Variants in CCDC18 observed in about 807,000 individuals in gnomAD.
CCDC18 encodes coiled-coil domain containing 18, also known as coiled-coil domain-containing protein 18.
CCDC18 carries 157 observed loss-of-function variants against 196.0 expected under a neutral mutation model. That is an observed-to-expected ratio of 0.80 (90% CI 0.70 to 0.91). CCDC18 has a LOEUF of 0.91. Ranked by LOEUF, CCDC18 falls within the 40% of genes least tolerant of loss-of-function variation. The probability of loss-of-function intolerance (pLI) is 0.00; values close to 1 mark genes in which losing one functional copy is unlikely to be tolerated. For synonymous variants in CCDC18, 482 were observed against 529.2 expected (o/e 0.91, Z 1.22); for missense variants, 1,465 against 1,611.6 (o/e 0.91, Z 1.56).
chr1:93,262,816 T>C (rs1663992876), intron 26 of CCDC18, among the ~76,000 whole-genome samples: 1 of 152,122 alleles, frequency 6.6e-6, no homozygotes. Flanking sequence ...TTCTCCTCTG[T>C]ACTGCCTTAG....
chr1:93,181,604 A>T (rs768725430), intron 1 of CCDC18, among the ~76,000 whole-genome samples: 5 of 152,136 alleles, frequency 3.3e-5, no homozygotes, highest in Non-Finnish European at 7.4e-5. Flanking sequence ...GCTACTGCAG[A>T]AGAGTTAGGG....
intron 6 of CCDC18, chr1:93,199,788 G>C (rs1296688457): frequency 6.6e-6 from 1 of 152,482 alleles, no homozygotes; most frequent in African/African-American, 2.4e-5. Context: ...CACCTCATTT[G>C]CGTTCTGGTA....
chr1:93,262,199 C>CAT lies in CCDC18; in HGVS notation c.3685-2499_3685-2498dup, dbSNP rs568146975. On this transcript the variant is annotated intron_variant, in intron 26 of 28. Coordinates refer to ENST00000690025, the MANE Select transcript of CCDC18 (RefSeq NM_001378204.1). Reference sequence around the variant, plus strand: ...TTCGGGTGGGGACACAGAGCCAAGCCATATCATTCCAACCCTGGCCCCTCC... The same window carrying CAT: ...TTCGGGTGGGGACACAGAGCCAAGCCATATATCATTCCAACCCTGGCCCCTCC... 1.5e-3 allele frequency: 224 copies of CAT among 152,270 alleles called. 1 individual carries two copies. Among genetic ancestry groups the CAT allele is most frequent in the African/African-American group, 5.0e-3 (208 of 41,536 alleles). 9.4% of individuals were successfully genotyped at this position (152,270 alleles called of 1,614,324 possible). A position where few individuals can be genotyped will look rare whatever the true frequency, so the allele number is the denominator to read the frequency against.
chr1:93,195,190 A>G (rs1178895523), intron 6 of CCDC18, among the ~76,000 whole-genome samples: 1 of 152,136 alleles, frequency 6.6e-6, no homozygotes, highest in Non-Finnish European at 1.5e-5. Flanking sequence ...CTTTGGCTTC[A>G]CAAAGTGAGT....
intron 23 of CCDC18, among the ~76,000 whole-genome samples, chr1:93,252,800 T>C (rs1044279214): frequency 6.6e-6 from 1 of 152,238 alleles, no homozygotes; most frequent in Admixed American, 6.5e-5. Flanking sequence ...AAACTGGCTT[T>C]TGTGTTCCCT....
In CCDC18 at chr1:93,221,839, A is replaced by G; in HGVS notation, c.2098-20A>G. On this transcript the variant is annotated intron_variant, in intron 15 of 28. Coordinates refer to ENST00000690025, the MANE Select transcript of CCDC18 (RefSeq NM_001378204.1). ...AATCTAATCAAATCTGCATACTTAT[A>G]CTTTTCTTACTGTTTTTAGGAAATG... The G allele has an allele frequency of 6.3e-7, 1 of 1,587,678 alleles. No homozygotes were observed. Among genetic ancestry groups the G allele is most frequent in the African/African-American group, 1.4e-5 (1 of 73,428 alleles).
At chr1:93,248,832 G>A (rs990835556) in intron 23 of CCDC18, among the ~76,000 whole-genome samples, 2 of 151,996 alleles carry the variant, frequency 1.3e-5, no homozygotes, top group Non-Finnish European at 2.9e-5. Flanking sequence ...AATTAGCCAG[G>A]TGTAGTGGCA....
Position 93,239,824 on chromosome 1 carries a change from A to G in CCDC18, c.2909A>G (p.Asp970Gly). The change falls in exon 21 of 29, where the codon GAT (aspartate) becomes GGT (glycine). Residue 970 changes from aspartate to glycine, a missense_variant. Coordinates refer to ENST00000690025, the MANE Select transcript of CCDC18 (RefSeq NM_001378204.1). ...STLRQLQELRDVLQKAQLSLE... is the reference protein window; with the variant it reads ...STLRQLQELRGVLQKAQLSLE... ...TTAAGACAACTCCAGGAATTGAGAG[A>G]TGTACTACAGAAGGCTCAATTATCA... 6.2e-7 allele frequency: 1 copy of G among 1,613,344 alleles called. No individual in the cohort carries two copies. Among genetic ancestry groups the G allele is most frequent in the Admixed American group, 1.7e-5 (1 of 60,010 alleles).
At chr1:93,225,837 T>G (rs898627436) in intron 16 of CCDC18, among the ~76,000 whole-genome samples, 3 of 152,162 alleles carry the variant, frequency 2.0e-5, no homozygotes, top group African/African-American at 7.2e-5. Flanking sequence ...GTACTCACTT[T>G]CCTATTTTTC....
chr1:93,241,382 C>T (rs1268666103), intron 21 of CCDC18, among the ~76,000 whole-genome samples: 1 of 152,060 alleles, frequency 6.6e-6, no homozygotes, highest in Non-Finnish European at 1.5e-5. Context: ...AATCTTGACC[C>T]CCTCCCAACA....
intron 18 of CCDC18, among the ~76,000 whole-genome samples, chr1:93,234,806 C>T (rs797671): frequency 2.0e-5 from 3 of 149,168 alleles, no homozygotes; most frequent in East Asian, 2.0e-4. Context: ...GTTTTGAGAC[C>T]GGGTCTTACT....
At chr1:93,191,882 A>G in intron 4 of CCDC18, 118 bp from the exon 5 acceptor site, 1 of 644,314 alleles carries the variant, frequency 1.6e-6, no homozygotes, top group East Asian at 2.7e-5. Context: ...GAAGCTTTAT[A>G]TCTGACCAAT....
intron 25 of CCDC18, among the ~76,000 whole-genome samples, chr1:93,257,063 T>G (rs1663052889): frequency 6.6e-6 from 1 of 151,458 alleles, no homozygotes; most frequent in African/African-American, 2.4e-5. Context: ...CCATCTCTAC[T>G]AAAAATACAA....
chr1:93,262,820 G>A (rs1026422458), intron 26 of CCDC18, among the ~76,000 whole-genome samples: 1 of 152,078 alleles, frequency 6.6e-6, no homozygotes, highest in Non-Finnish European at 1.5e-5. Context: ...CCTCTGTACT[G>A]CCTTAGTAGA....
chr1:93,181,870 C>T (rs535929687), intron 1 of CCDC18, among the ~76,000 whole-genome samples: 24 of 152,202 alleles, frequency 1.6e-4, no homozygotes, highest in Non-Finnish European at 2.9e-4. Flanking sequence ...CCGCCTTGAC[C>T]TCCCAAAGTG....
chr1:93,230,001 A>G (rs1658987300), intron 17 of CCDC18, among the ~76,000 whole-genome samples: 1 of 151,918 alleles, frequency 6.6e-6, no homozygotes, highest in Non-Finnish European at 1.5e-5. Context: ...TTTCTGCATT[A>G]TATTTTATTT....
At chr1:93,256,006 T>C (rs574927265) in intron 24 of CCDC18, among the ~76,000 whole-genome samples, 71 of 152,326 alleles carry the variant, frequency 4.7e-4, no homozygotes, top group African/African-American at 1.7e-3. Flanking sequence ...TAATCAAATG[T>C]TAACTTCTCT....
At chr1:93,273,765 T>G (rs1203811081) in intron 28 of CCDC18, among the ~76,000 whole-genome samples, 1 of 152,170 alleles carries the variant, frequency 6.6e-6, no homozygotes. Flanking sequence ...CTCTTTTTGG[T>G]AAAAATCGCA....
At chr1:93,253,685 C>A (rs1401080157) in intron 23 of CCDC18, among the ~76,000 whole-genome samples, 1 of 152,212 alleles carries the variant, frequency 6.6e-6, no homozygotes, top group African/African-American at 2.4e-5. Flanking sequence ...GGGAGAGAGC[C>A]TTTCCACTAA....
Sources: allele counts gnomAD v4.1 joint callset (sites outside exome capture counted in the v4.1 genomes callset), GRCh38; gene constraint gnomAD v4.1.1; transcripts MANE v1.5; gene names NCBI Gene and HGNC (gene_info 2026-07-23, HGNC 2026-07-21).